The following TSPAN18 variants were observed in gnomAD, a reference collection of about 807,000 sequenced individuals.
TSPAN18 encodes the protein tetraspanin-18.
TSPAN18 carries 14 observed loss-of-function variants against 27.3 expected under a neutral mutation model. The observed-to-expected ratio is 0.51, with a 90% CI of 0.34 to 0.80. The LOEUF (loss-of-function observed/expected upper bound fraction) is 0.80, where lower values mean the gene tolerates loss of function less well. Ranked by LOEUF, TSPAN18 falls within the 30% of genes least tolerant of loss-of-function variation. The probability of loss-of-function intolerance (pLI) is 0.01; values close to 1 mark genes in which losing one functional copy is unlikely to be tolerated. For missense variants in TSPAN18, 268 were observed against 323.9 expected (o/e 0.83, Z 1.32); for synonymous variants, 143 against 136.5 (o/e 1.05, Z -0.33).
intron 2 of TSPAN18, among the ~76,000 whole-genome samples, chr11:44,770,891 A>G (rs932281881): frequency 3.3e-5 from 5 of 152,246 alleles, no homozygotes; most frequent in African/African-American, 1.2e-4. Context: ...CTGGCCCAAG[A>G]TGGAAGAGCC....
At chr11:44,780,199 G>T (rs1365342737) in intron 2 of TSPAN18, among the ~76,000 whole-genome samples, 2 of 151,626 alleles carry the variant, frequency 1.3e-5, no homozygotes, top group African/African-American at 4.9e-5. Flanking sequence ...CCCACTGTAT[G>T]CAACACACAC....
At chr11:44,776,634 AC>A (rs903968883) in intron 2 of TSPAN18, among the ~76,000 whole-genome samples, 2 of 152,058 alleles carry the variant, frequency 1.3e-5, no homozygotes, top group African/African-American at 2.4e-5. Context: ...TACAGTCAGA[AC>A]TTGCAGCTGG....
At chr11:44,780,867 GC>G (rs752298878) in intron 2 of TSPAN18, among the ~76,000 whole-genome samples, 1 of 152,194 alleles carries the variant, frequency 6.6e-6, no homozygotes, top group Non-Finnish European at 1.5e-5. Flanking sequence ...TTAAAACAGG[GC>G]CCCACAACTT....
At chr11:44,728,065 C>A (rs545043211) in intron 1 of TSPAN18, among the ~76,000 whole-genome samples, 17 of 152,306 alleles carry the variant, frequency 1.1e-4, no homozygotes, top group African/African-American at 3.8e-4. Context: ...CTGGCTCCTG[C>A]GAGGCAACCG....
chr11:44,734,566 G>T (rs1289338040), intron 1 of TSPAN18, among the ~76,000 whole-genome samples: 2 of 152,258 alleles, frequency 1.3e-5, no homozygotes, highest in Non-Finnish European at 2.9e-5. Flanking sequence ...GATGCTAGAA[G>T]TGGGCACACA....
intron 3 of TSPAN18, among the ~76,000 whole-genome samples, chr11:44,861,523 T>G (rs1857885677): frequency 1.4e-5 from 2 of 143,134 alleles, no homozygotes; most frequent in Non-Finnish European, 1.5e-5. Flanking sequence ...GTAGGTGTCG[T>G]GGGTTGGGGA....
At chr11:44,791,559 T>C (rs1856222091) in intron 2 of TSPAN18, among the ~76,000 whole-genome samples, 5 of 152,198 alleles carry the variant, frequency 3.3e-5, no homozygotes, top group African/African-American at 1.2e-4. Context: ...CGCCTCCTTC[T>C]CCTGGGCACT....
chr11:44,919,555 A>G lies in TSPAN18; in HGVS notation c.432+243A>G, dbSNP rs182469953. 1.8e-4 allele frequency: 109 copies of G among 608,914 alleles called. 1 individual carries two copies. The highest frequency in any genetic ancestry group is 8.7e-4 in the Admixed American group (31 of 35,612). The allele number at this position is 608,914 out of a possible 1,614,324, so 37.7% of individuals were successfully genotyped here. Reference sequence around the variant, plus strand: ...AAGCAATGGTCATTATGATGATGATAATAACCACAGCAACTGTTTATGGAT... The same window carrying G: ...AAGCAATGGTCATTATGATGATGATGATAACCACAGCAACTGTTTATGGAT... On this transcript the variant is annotated intron_variant, in intron 7 of 9. Transcript: ENST00000520358.
chr11:44,928,662 T>C (rs1240120975), intron 9 of TSPAN18, among the ~76,000 whole-genome samples: 1 of 152,172 alleles, frequency 6.6e-6, no homozygotes. Context: ...GACGCATGCC[T>C]GTAGTCCCAG....
In TSPAN18 at chr11:44,803,751, G is replaced by A. The variant is rs548851560; in HGVS notation, c.-153+39239G>A. ...AAGAACAGAAATGCTCTGAGTCTCTGTGTATTTGAGCTGAGATGCTTAGAT... is the reference window on the plus strand; with the variant it reads ...AAGAACAGAAATGCTCTGAGTCTCTATGTATTTGAGCTGAGATGCTTAGAT... On this transcript the variant is annotated intron_variant, in intron 2 of 9. Transcript: ENST00000520358. Among the ~76,000 whole-genome samples the A allele has an allele frequency of 4.9e-4, 74 of 152,314 alleles. 1 individual carries two copies. Among genetic ancestry groups the A allele is most frequent in the Admixed American group, 3.9e-3 (59 of 15,294 alleles).
chr11:44,926,556 C>G, intron 8 of TSPAN18, 118 bp from the exon 9 acceptor site: 1 of 890,298 alleles, frequency 1.1e-6, no homozygotes, highest in Non-Finnish European at 1.9e-6. Flanking sequence ...TCTCAGCAGC[C>G]GTGTGATAGG....
chr11:44,915,708 G>T (rs902710065), intron 5 of TSPAN18, among the ~76,000 whole-genome samples: 16 of 152,192 alleles, frequency 1.1e-4, no homozygotes, highest in Non-Finnish European at 2.4e-4. Context: ...ACAGCCTGGC[G>T]CTCTGAAAAG....
chr11:44,903,346 A>G lies in TSPAN18; in HGVS notation c.-10-3061A>G, dbSNP rs1664405018. The stretch of plus-strand genomic sequence containing the variant: ...TGAGCAGAGGCACCAAGTAAGCGTC[A>G]GGGACATACCTCTGGGGGACTCTCC... On this transcript the variant is annotated intron_variant, in intron 3 of 9. Transcript: ENST00000520358. The G allele has an allele frequency of 1.1e-4, 48 of 449,284 alleles. 1 individual carries two copies. The highest frequency in any genetic ancestry group is 7.5e-4 in the South Asian group (48 of 63,688). The allele number at this position is 449,284 out of a possible 1,614,324, so 27.8% of individuals were successfully genotyped here.
At chr11:44,917,258 G>A (rs1357668575) in intron 5 of TSPAN18, among the ~76,000 whole-genome samples, 1 of 152,234 alleles carries the variant, frequency 6.6e-6, no homozygotes, top group Non-Finnish European at 1.5e-5. Flanking sequence ...GGAGAAATGA[G>A]GAACTGGTGG....
At chr11:44,756,326 G>C (rs1855332186) in intron 1 of TSPAN18, among the ~76,000 whole-genome samples, 1 of 151,828 alleles carries the variant, frequency 6.6e-6, no homozygotes, top group South Asian at 2.1e-4. Context: ...AGGGAGGGAG[G>C]GAAGGGTTCC....
At chr11:44,738,739 G>C (rs1854858998) in intron 1 of TSPAN18, among the ~76,000 whole-genome samples, 1 of 152,152 alleles carries the variant, frequency 6.6e-6, no homozygotes, top group Admixed American at 6.5e-5. Flanking sequence ...TAACTTAATT[G>C]CCAAAACATT....
intron 5 of TSPAN18, among the ~76,000 whole-genome samples, chr11:44,916,433 C>T (rs1859912168): frequency 6.6e-6 from 1 of 152,176 alleles, no homozygotes; most frequent in African/African-American, 2.4e-5. Flanking sequence ...CCTCGGAGGC[C>T]ACAGAGGATC....
At chr11:44,811,859 T>A (rs754327825) in intron 2 of TSPAN18, among the ~76,000 whole-genome samples, 1 of 152,202 alleles carries the variant, frequency 6.6e-6, no homozygotes, top group Non-Finnish European at 1.5e-5. Context: ...TATTTTGATG[T>A]GCTGACAAGT....
At chr11:44,780,411 A>G (rs1855911667) in intron 2 of TSPAN18, among the ~76,000 whole-genome samples, 1 of 152,214 alleles carries the variant, frequency 6.6e-6, no homozygotes, top group Non-Finnish European at 1.5e-5. Flanking sequence ...GTGCCCTCCG[A>G]GGCTGGGTAC....
Sources: allele counts gnomAD v4.1 joint callset (sites outside exome capture counted in the v4.1 genomes callset), GRCh38; gene constraint gnomAD v4.1.1; transcripts MANE v1.5; gene names NCBI Gene and HGNC (gene_info 2026-07-23, HGNC 2026-07-21).